PCDHGB3: variants seen among roughly 807,000 people sequenced by gnomAD.
PCDHGB3 encodes protocadherin gamma subfamily B, 3.
In PCDHGB3, 40 loss-of-function variants were observed where a neutral mutation model predicts 59.2. The ratio of observed to expected loss-of-function variants is 0.68; its 90% confidence interval spans 0.52 to 0.88. The LOEUF (loss-of-function observed/expected upper bound fraction) is 0.88, where lower values mean the gene tolerates loss of function less well. Ranked by LOEUF, PCDHGB3 falls within the 40% of genes least tolerant of loss-of-function variation. The pLI is 0.00. For synonymous variants in PCDHGB3, 581 were observed against 503.6 expected (o/e 1.15, Z -2.06); for missense variants, 1,309 against 1,187.9 (o/e 1.10, Z -1.50).
chr5:141,388,384 T>G, intron 1 of PCDHGB3: 3 of 1,614,014 alleles, frequency 1.9e-6, no homozygotes, highest in Non-Finnish European at 2.5e-6. Context: ...AGCAACACAC[T>G]GCAGAATTAC....
intron 1 of PCDHGB3, chr5:141,393,496 T>C (rs960048710): frequency 1.9e-6 from 3 of 1,613,940 alleles, no homozygotes; most frequent in Non-Finnish European, 8.5e-7. Flanking sequence ...ACAGTGCGCA[T>C]CCACGTGACA....
rs764987054 is a variant in PCDHGB3, at chr5:141,372,683, C to G, written c.2289C>G (p.Thr763=). 9 of 1,613,826 alleles carry G rather than the reference C, an allele frequency of 5.6e-6. No homozygotes were observed. In the East Asian group the frequency reaches 1.8e-4, roughly 32 times the overall value. The change falls in exon 1 of 4, where the codon ACC becomes ACG. Residue 763 remains threonine (T), a synonymous_variant. Transcript: ENST00000576222. ...GTGCTGCCTCACATTCCTCAAACACCGAGTTTAAATTTCTCAATATAAAGG... is the reference window on the plus strand; with the variant it reads ...GTGCTGCCTCACATTCCTCAAACACGGAGTTTAAATTTCTCAATATAAAGG... ...NPCAASHSSN[T]EFKFLNIKAE... is the part of the protein sequence containing the mutation.
intron 1 of PCDHGB3, chr5:141,393,901 G>T: frequency 6.2e-7 from 1 of 1,613,894 alleles, no homozygotes; most frequent in Non-Finnish European, 8.5e-7. Context: ...TCTCTTCCCG[G>T]GACAGTAATT....
rs750804901 is a variant in PCDHGB3, at chr5:141,476,422, C to T, written c.2416-18385C>T. ...GAGAGGAGCTGTGTGGGACACTGCC[C>T]TCTTGCACTGTAACTCTGGAGTTGG... On this transcript the variant is annotated intron_variant, in intron 1 of 3. Transcript: ENST00000576222. The surrounding 1 kb of genome is among the most constrained non-coding windows in gnomAD (Gnocchi z 7.6). The T allele has an allele frequency of 1.7e-5, 28 of 1,614,026 alleles. No homozygotes were observed. Among genetic ancestry groups the T allele is most frequent in the East Asian group, 2.2e-5 (1 of 44,860 alleles).
At chr5:141,418,393 C>A in intron 1 of PCDHGB3, 1 of 1,613,984 alleles carries the variant, frequency 6.2e-7, no homozygotes, top group Non-Finnish European at 8.5e-7. Context: ...ACGAGTATTT[C>A]TCATTGGTGG....
chr5:141,387,177 T>C (rs989484840), intron 1 of PCDHGB3, among the ~76,000 whole-genome samples: 2 of 152,184 alleles, frequency 1.3e-5, no homozygotes, highest in Non-Finnish European at 2.9e-5. Context: ...AATTGCACCT[T>C]CTAAAAGGCA....
intron 1 of PCDHGB3, among the ~76,000 whole-genome samples, chr5:141,467,628 CA>C (rs1301043003): frequency 6.6e-6 from 1 of 152,106 alleles, no homozygotes; most frequent in Non-Finnish European, 1.5e-5. Context: ...TTTGAGATAG[CA>C]TCTTTATCAT....
At chr5:141,399,590 T>C (rs1369616193) in intron 1 of PCDHGB3, 5 of 1,613,854 alleles carry the variant, frequency 3.1e-6, no homozygotes, top group Admixed American at 3.3e-5. Flanking sequence ...TACTCTATCA[T>C]GGCCAGCGAC....
chr5:141,415,740 G>GTTTTTTTTTTTTTTTTTT (rs57426385), intron 1 of PCDHGB3: 15 of 625,028 alleles, frequency 2.4e-5, no homozygotes, highest in African/African-American at 7.5e-5. Flanking sequence ...GTTTATTAAG[G>GTTTTTTTTTTTTTTTTTT]TTTTTTTTTT....
In PCDHGB3 at chr5:141,414,114, T is replaced by C. The variant is rs145910780; in HGVS notation, c.2415+41305T>C. The C allele has an allele frequency of 2.0e-5, 32 of 1,592,348 alleles. 2 individuals carry two copies. In the East Asian group the frequency reaches 6.3e-4, roughly 32 times the overall value. ...TAAAAATATCAGAAAATCTAGATTA[T>C]GAAGAAACCGGTTTCTATGAAATAG... On this transcript the variant is annotated intron_variant, in intron 1 of 3. Coordinates refer to ENST00000576222, the MANE Select transcript of PCDHGB3 (RefSeq NM_018924.5).
At chr5:141,504,986 AC>A (rs1225847397) in intron 2 of PCDHGB3, among the ~76,000 whole-genome samples, 4 of 151,936 alleles carry the variant, frequency 2.6e-5, no homozygotes, top group Non-Finnish European at 5.9e-5. Context: ...ACATGGTGAA[AC>A]CCCGTCTGTA....
chr5:141,499,689 CTTTTTTTTT>C (rs545067566), intron 2 of PCDHGB3, among the ~76,000 whole-genome samples: 2 of 119,856 alleles, frequency 1.7e-5, no homozygotes, highest in African/African-American at 6.2e-5. Flanking sequence ...TAACAGATGA[CTTTTTTTTT>C]TTTTTTTTTT....
intron 1 of PCDHGB3, chr5:141,418,261 G>T (rs763160633): frequency 1.9e-6 from 3 of 1,613,938 alleles, no homozygotes; most frequent in Non-Finnish European, 2.5e-6. Flanking sequence ...CTCAATTCCG[G>T]AAAGATGAAA....
Position 141,432,229 on chromosome 5 carries a change from C to T in PCDHGB3, c.2415+59420C>T, listed in dbSNP as rs1246285803. Reference sequence around the variant, plus strand: ...AAGAGAACGCCCAGATCACTTATTCCCTGGCTGAGAACACCATCCAAGGGG... The same window carrying T: ...AAGAGAACGCCCAGATCACTTATTCTCTGGCTGAGAACACCATCCAAGGGG... On this transcript the variant is annotated intron_variant, in intron 1 of 3. Coordinates refer to ENST00000576222, the MANE Select transcript of PCDHGB3 (RefSeq NM_018924.5). The surrounding 1 kb of genome is among the most constrained non-coding windows in gnomAD (Gnocchi z 6.0). The T allele has an allele frequency of 6.2e-7, 1 of 1,614,232 alleles. No homozygotes were observed.
intron 1 of PCDHGB3, chr5:141,413,590 G>A (rs759901330): frequency 1.2e-6 from 2 of 1,613,886 alleles, no homozygotes; most frequent in Non-Finnish European, 1.7e-6. Flanking sequence ...AAAATTCCAA[G>A]CAGAAAATCT....
chr5:141,482,126 A>G (rs1235540230), intron 1 of PCDHGB3, among the ~76,000 whole-genome samples: 1 of 152,004 alleles, frequency 6.6e-6, no homozygotes, highest in Non-Finnish European at 1.5e-5. Flanking sequence ...TGGGAGAATC[A>G]TATGGCTGGC....
At chr5:141,384,528 C>T in intron 1 of PCDHGB3, 2 of 1,614,254 alleles carry the variant, frequency 1.2e-6, no homozygotes, top group Non-Finnish European at 1.7e-6. Context: ...CGCCTCTCAG[C>T]AGCAACATGT....
intron 3 of PCDHGB3, chr5:141,507,291 T>A (rs956764262): frequency 3.4e-5 from 5 of 147,704 alleles, no homozygotes; most frequent in African/African-American, 5.1e-5. Flanking sequence ...CAGTCTCAAA[T>A]GTTGCATGAG....
chr5:141,405,391 T>A, intron 1 of PCDHGB3: 1 of 1,595,892 alleles, frequency 6.3e-7, no homozygotes, highest in Non-Finnish European at 8.5e-7. Flanking sequence ...GTTCATTTTT[T>A]TTCTTTCTTT....
Sources: allele counts gnomAD v4.1 joint callset (sites outside exome capture counted in the v4.1 genomes callset), GRCh38; gene constraint gnomAD v4.1.1; non-coding constraint Gnocchi (gnomAD v3.1); transcripts MANE v1.5; gene names NCBI Gene and HGNC (gene_info 2026-07-23, HGNC 2026-07-21).